The following ADAM19 variants were observed in gnomAD, a reference collection of about 807,000 sequenced individuals.
ADAM19 encodes ADAM metallopeptidase domain 19, also known as disintegrin and metalloproteinase domain-containing protein 19.
A neutral mutation model predicts 114.7 loss-of-function variants in ADAM19; 65 were observed. That is an observed-to-expected ratio of 0.57 (90% CI 0.46 to 0.70). ADAM19 has a LOEUF of 0.70. Among genes scored for constraint, ADAM19 ranks in the 30% least tolerant of loss-of-function variants. ADAM19 has a pLI of 0.00. For missense variants in ADAM19, 1,063 were observed against 1,204.7 expected (o/e 0.88, Z 1.74); for synonymous variants, 466 against 460.5 (o/e 1.01, Z -0.15).
chr5:157,483,800 A>AT (rs1272348617), intron 21 of ADAM19, among the ~76,000 whole-genome samples: 2 of 151,802 alleles, frequency 1.3e-5, no homozygotes, highest in African/African-American at 4.8e-5. Flanking sequence ...TGCCCAGCTA[A>AT]TTTTTGTATT....
At chr5:157,514,609 G>A (rs1756037772) in intron 7 of ADAM19, among the ~76,000 whole-genome samples, 1 of 152,196 alleles carries the variant, frequency 6.6e-6, no homozygotes, top group African/African-American at 2.4e-5. Flanking sequence ...TTACAGGCGT[G>A]AGCCACTGCG....
intron 2 of ADAM19, among the ~76,000 whole-genome samples, chr5:157,565,482 G>T (rs544194258): frequency 6.6e-6 from 1 of 151,892 alleles, no homozygotes; most frequent in Non-Finnish European, 1.5e-5. Context: ...ACTTTGGGAG[G>T]CCGAGGCAGG....
rs759156279 is a variant in ADAM19 at position 157,513,475 on chromosome 5, T to C, written c.697A>G (p.Thr233Ala). The part of the protein sequence containing the change: ...FQKNRRDQDA[T>A]KHKLIEIANY... Reference sequence around the variant, plus strand: ...GCGATCTCTATGAGCTTGTGTTTGGTGGCGTCCTGGTCTCGTCGATTCTTC... The same window carrying C: ...GCGATCTCTATGAGCTTGTGTTTGGCGGCGTCCTGGTCTCGTCGATTCTTC... The change falls in exon 8 of 23, where the codon ACC (threonine) becomes GCC (alanine). Residue 233 changes from threonine (T) to alanine (A), a missense_variant. By Grantham distance (58) the Thr-to-Ala change is moderately conservative. Coordinates refer to ENST00000257527, the MANE Select transcript of ADAM19 (RefSeq NM_033274.5). 12 of 1,613,990 alleles carry C rather than the reference T, an allele frequency of 7.4e-6. No individual in the cohort carries two copies. Among genetic ancestry groups the C allele is most frequent in the Non-Finnish European group, 9.3e-6 (11 of 1,179,970 alleles).
At chr5:157,493,326 AC>A in intron 15 of ADAM19, 149 bp from the exon 16 acceptor site, 3 of 736,672 alleles carry the variant, frequency 4.1e-6, no homozygotes, top group Non-Finnish European at 6.6e-6. Context: ...TTTGGAACCC[AC>A]CAGGAGAGAT....
intron 4 of ADAM19, among the ~76,000 whole-genome samples, chr5:157,532,965 C>T (rs1035434): frequency 0.3 from 45,465 of 152,022 alleles, 7,363 homozygotes; most frequent in African/African-American, 0.42. Context: ...AGTACTTGGC[C>T]GAGAGTGGCA....
chr5:157,541,962 G>A (rs1756930180), intron 3 of ADAM19, among the ~76,000 whole-genome samples: 1 of 152,140 alleles, frequency 6.6e-6, no homozygotes, highest in Non-Finnish European at 1.5e-5. Context: ...CAGCATAGGC[G>A]AGCATCACTC....
chr5:157,545,695 T>A (rs1168859864), intron 3 of ADAM19, among the ~76,000 whole-genome samples: 1 of 152,210 alleles, frequency 6.6e-6, no homozygotes, highest in Admixed American at 6.5e-5. Flanking sequence ...TTGCCCAGCA[T>A]CACACAGTTT....
chr5:157,514,527 A>G (rs534498533), intron 7 of ADAM19, among the ~76,000 whole-genome samples: 17 of 152,168 alleles, frequency 1.1e-4, no homozygotes, highest in Admixed American at 3.3e-4. Flanking sequence ...GGGTTTCACC[A>G]TGTTGGTCAG....
chr5:157,497,108 G>A lies in ADAM19; in HGVS notation c.1399-19C>T, dbSNP rs1231734437. On this transcript the variant is annotated intron_variant, in intron 13 of 22. Transcript: ENST00000257527. ...CCAACAGCTGAGCCAAGGAATGAGA[G>A]GAAAACACAGTCAATCTCCTCCCCA... 4 of 1,489,648 alleles carry A rather than the reference G, an allele frequency of 2.7e-6. No homozygotes were observed. In the African/African-American group the frequency reaches 4.4e-5, roughly 16 times the overall value. 92.3% of individuals were successfully genotyped at this position (1,489,648 alleles called of 1,614,324 possible). A position where few individuals can be genotyped will look rare whatever the true frequency, so the allele number is the denominator to read the frequency against.
rs145376819 is a variant in ADAM19, at chr5:157,514,611, G to A, written c.667-1106C>T. On this transcript the variant is annotated intron_variant, in intron 7 of 22. Transcript: ENST00000257527. ...CAAAGTGCTGGGATTACAGGCGTGA[G>A]CCACTGCGCCTGGCCGTAATCAGAC... 7.7e-3 allele frequency among the ~76,000 whole-genome samples: 1,174 copies of A among 152,312 alleles called. 18 individuals carry two copies. The highest frequency in any genetic ancestry group is 0.027 in the African/African-American group (1,116 of 41,576).
chr5:157,542,033 T>C (rs919187118), intron 3 of ADAM19, among the ~76,000 whole-genome samples: 9 of 152,214 alleles, frequency 5.9e-5, no homozygotes, highest in African/African-American at 1.9e-4. Context: ...CTCTATCTAA[T>C]TCTTCCAAGA....
intron 3 of ADAM19, among the ~76,000 whole-genome samples, chr5:157,560,312 C>T (rs1451992361): frequency 6.7e-6 from 1 of 148,826 alleles, no homozygotes; most frequent in African/African-American, 2.5e-5. Flanking sequence ...CAGAAAGAGC[C>T]TTCAGAGCCT....
At chr5:157,570,509 A>C (rs1219426282) in intron 2 of ADAM19, 1 of 166,660 alleles carries the variant, frequency 6.0e-6, no homozygotes, top group Non-Finnish European at 1.3e-5. Flanking sequence ...TATAGTTTAT[A>C]TTATTATCTT....
intron 2 of ADAM19, among the ~76,000 whole-genome samples, chr5:157,567,208 A>C (rs1268021428): frequency 6.6e-6 from 1 of 152,198 alleles, no homozygotes; most frequent in Non-Finnish European, 1.5e-5. Context: ...AAGGGCTCTG[A>C]TGAGATCTCA....
chr5:157,547,776 T>C (rs1237939753), intron 3 of ADAM19, among the ~76,000 whole-genome samples: 1 of 152,192 alleles, frequency 6.6e-6, no homozygotes, highest in Non-Finnish European at 1.5e-5. Flanking sequence ...TTCCACCCTA[T>C]AAATATCTCT....
chr5:157,486,111 C>T (rs1754923458), intron 21 of ADAM19, among the ~76,000 whole-genome samples: 1 of 152,216 alleles, frequency 6.6e-6, no homozygotes, highest in African/African-American at 2.4e-5. Flanking sequence ...TGATGGCAGA[C>T]TGGAGACTGT....
In ADAM19 at chr5:157,492,847, A is replaced by C. The variant is rs1024128171; in HGVS notation, c.1908+126T>G. 4 of 962,098 alleles carry C rather than the reference A, an allele frequency of 4.2e-6. No homozygotes were observed. The African/African-American group carries it at 6.4e-5, about 15-fold the overall frequency. The allele number at this position is 962,098 out of a possible 1,614,324, so 59.6% of individuals were successfully genotyped here. ...TGCTGTCACTATACACGCTTCATGA[A>C]GGGAGCCACCAAGGCTCAGAGGTTG... On this transcript the variant is annotated intron_variant, in intron 16 of 22. Transcript: ENST00000257527.
chr5:157,548,989 A>G (rs1202472595), intron 3 of ADAM19, among the ~76,000 whole-genome samples: 4 of 152,278 alleles, frequency 2.6e-5, no homozygotes, highest in Admixed American at 2.0e-4. Context: ...AGGCTTCCCC[A>G]TCTACAGAAG....
In ADAM19 at chr5:157,479,801, CG is replaced by C; in HGVS notation, c.*1147del. 2 of 985,538 alleles carry C rather than the reference CG, an allele frequency of 2.0e-6. No individual in the cohort carries two copies. The highest frequency in any genetic ancestry group is 2.4e-6 in the Non-Finnish European group (2 of 830,006). 61.0% of individuals were successfully genotyped at this position (985,538 alleles called of 1,614,324 possible). On this transcript the variant is annotated 3_prime_UTR_variant, in exon 23 of 23. Coordinates refer to ENST00000257527, the MANE Select transcript of ADAM19 (RefSeq NM_033274.5). ...GGTCTGTTCTCTGCTCAGAGGGCAACGGTCCAGCCCGAAGTCAATGACCAGC... is the reference window on the plus strand; with the variant it reads ...GGTCTGTTCTCTGCTCAGAGGGCAACGTCCAGCCCGAAGTCAATGACCAGC...
Sources: allele counts gnomAD v4.1 joint callset (sites outside exome capture counted in the v4.1 genomes callset), GRCh38; gene constraint gnomAD v4.1.1; transcripts MANE v1.5; gene names NCBI Gene and HGNC (gene_info 2026-07-23, HGNC 2026-07-21).